The following CES4A variants were observed in gnomAD, a reference collection of about 807,000 sequenced individuals.
The protein encoded by CES4A is carboxylesterase 4A.
In CES4A, 48 loss-of-function variants were observed where a neutral mutation model predicts 65.4. The ratio of observed to expected loss-of-function variants is 0.73; its 90% confidence interval spans 0.58 to 0.93. The LOEUF (loss-of-function observed/expected upper bound fraction) is 0.93. Among genes scored for constraint, CES4A ranks in the 40% least tolerant of loss-of-function variants. The probability of loss-of-function intolerance (pLI) is 0.00; values close to 1 mark genes in which losing one functional copy is unlikely to be tolerated. For synonymous variants in CES4A, 247 were observed against 281.8 expected, an observed-to-expected ratio of 0.88 and a Z score of 1.24; for missense variants, 685 against 728.5, an observed-to-expected ratio of 0.94 and a Z score of 0.69.
chr16:67,001,261 C>CCGA lies in CES4A; in HGVS notation c.537-45_537-43dup. The stretch of plus-strand genomic sequence containing the variant: ...GCCCAGGAGGGCAGCCCAACGCGCC[C>CCGA]CGACTGTCGAGGCCCGGGACCCTGA... On this transcript the variant is annotated intron_variant, in intron 4 of 13. Coordinates refer to ENST00000648724, the Ensembl canonical transcript of CES4A. The surrounding 1 kb of genome is among the most constrained non-coding windows in gnomAD (Gnocchi z 4.1). 1.3e-6 allele frequency: 2 copies of CCGA among 1,535,218 alleles called. No individual in the cohort carries two copies. The highest frequency in any genetic ancestry group is 1.7e-6 in the Non-Finnish European group (2 of 1,143,962).
intron 9 of CES4A, 25 bp from the exon 10 acceptor site, chr16:67,004,768 A>G (rs1965621623): frequency 6.5e-7 from 1 of 1,532,926 alleles, no homozygotes; most frequent in African/African-American, 1.4e-5. Flanking sequence ...CCTGACCCAC[A>G]CTGGGGTCCT....
intron 2 of CES4A, among the ~76,000 whole-genome samples, chr16:66,997,215 A>T (rs1964925279): frequency 6.6e-6 from 1 of 152,240 alleles, no homozygotes; most frequent in Non-Finnish European, 1.5e-5. Flanking sequence ...CCCAAAGATC[A>T]GGTGACAGAA....
chr16:66,990,026 C>T (rs1206582310), intron 1 of CES4A, among the ~76,000 whole-genome samples: 3 of 150,360 alleles, frequency 2.0e-5, no homozygotes, highest in Admixed American at 6.6e-5. Flanking sequence ...AACATTTTGG[C>T]GCATTTTCTT....
chr16:67,007,110 G>A (rs1397314617), intron 13 of CES4A: 5 of 388,928 alleles, frequency 1.3e-5, no homozygotes, highest in Non-Finnish European at 2.3e-5. Context: ...GGAATTCAAG[G>A]ATGTTGCAGA....
In CES4A at chr16:67,001,578, A is replaced by T; in HGVS notation, c.690+117A>T. On this transcript the variant is annotated intron_variant, in intron 5 of 13. Transcript: ENST00000648724. This position sits in a 1 kb window ranked among gnomAD's most constrained non-coding sequence, Gnocchi z 4.1. Reference sequence around the variant, plus strand: ...GCGTGTACAGGAACGTGCCTGCCACAGAAATGCTCTCGCCCCTGCCAAGGG... The same window carrying T: ...GCGTGTACAGGAACGTGCCTGCCACTGAAATGCTCTCGCCCCTGCCAAGGG... The T allele has an allele frequency of 8.0e-7, 1 of 1,253,986 alleles. No individual in the cohort carries two copies. The highest frequency in any genetic ancestry group is 1.1e-6 in the Non-Finnish European group (1 of 914,536). 77.7% of individuals were successfully genotyped at this position (1,253,986 alleles called of 1,614,324 possible).
chr16:67,010,352 C>T (rs1482886506), downstream of CES4A, among the ~76,000 whole-genome samples: 3 of 151,954 alleles, frequency 2.0e-5, no homozygotes, highest in Admixed American at 2.0e-4. Context: ...AGGCATGAGC[C>T]ACCATGCCTG....
chr16:66,990,143 C>T (rs796785696), intron 1 of CES4A, among the ~76,000 whole-genome samples: 15 of 151,344 alleles, frequency 9.9e-5, no homozygotes, highest in African/African-American at 3.6e-4. Context: ...CTCCACCTCC[C>T]GGGTTCAAGC....
In CES4A at chr16:66,995,579, T is replaced by A. The variant is rs374816669; in HGVS notation, c.59-49T>A. ...TGAGTGGCTGAGCCAGGGTCCCATT[T>A]GTGGCTGGGTGACTGAGCAGAGGTG... On this transcript the variant is annotated intron_variant, in intron 1 of 13. Coordinates refer to ENST00000648724, the Ensembl canonical transcript of CES4A. 84 of 1,536,554 alleles carry A rather than the reference T, an allele frequency of 5.5e-5. No homozygotes were observed. The African/African-American group carries it at 1.1e-3, about 20-fold the overall frequency.
rs1407988229 is a variant in CES4A at position 67,004,920 on chromosome 16, C to A, written c.1161+47C>A. 5.5e-6 allele frequency: 8 copies of A among 1,446,536 alleles called. No homozygotes were observed. The East Asian group carries it at 2.0e-4, about 36-fold the overall frequency. 89.6% of individuals were successfully genotyped at this position (1,446,536 alleles called of 1,614,324 possible). A position where few individuals can be genotyped will look rare whatever the true frequency, so the allele number is the denominator to read the frequency against. ...GGTGCTCAGTTCGGACAGGGTTGAC[C>A]CCCCTGTTTTTTTTAACCTAGTAGC... On this transcript the variant is annotated intron_variant, in intron 10 of 13. Coordinates refer to ENST00000648724, the Ensembl canonical transcript of CES4A.
Position 67,000,234 on chromosome 16 carries a change from G to A in CES4A, c.261-404G>A, listed in dbSNP as rs891464700. Among the ~76,000 whole-genome samples, 11 of 152,178 alleles carry A rather than the reference G, an allele frequency of 7.2e-5. No homozygotes were observed. The highest frequency in any genetic ancestry group is 6.5e-4 in the Admixed American group (10 of 15,270). Reference sequence around the variant, plus strand: ...GGGTACTGTCCAGACCAGAGACGGTGGTGGCCTTGACATCTCCCCAGAGAT... The same window carrying A: ...GGGTACTGTCCAGACCAGAGACGGTAGTGGCCTTGACATCTCCCCAGAGAT... On this transcript the variant is annotated intron_variant, in intron 2 of 13. Transcript: ENST00000648724. The surrounding 1 kb of genome is among the most constrained non-coding windows in gnomAD (Gnocchi z 4.2).
chr16:67,006,563 C>T, intron 12 of CES4A, 44 bp downstream of exon 12: 1 of 1,553,770 alleles, frequency 6.4e-7, no homozygotes. Flanking sequence ...GTCCAGTCTC[C>T]CACCTCTGGA....
At chr16:66,994,182 A>G (rs1261585718) in intron 1 of CES4A, among the ~76,000 whole-genome samples, 1 of 151,866 alleles carries the variant, frequency 6.6e-6, no homozygotes, top group Non-Finnish European at 1.5e-5. Context: ...CCATTAAATG[A>G]CGCAGAGAAA....
Position 67,001,184 on chromosome 16 carries a change from T to C in CES4A, c.537-124T>C. The C allele has an allele frequency of 7.4e-7, 1 of 1,353,284 alleles. No individual in the cohort carries two copies. The highest frequency in any genetic ancestry group is 9.8e-7 in the Non-Finnish European group (1 of 1,019,298). The allele number at this position is 1,353,284 out of a possible 1,614,324, so 83.8% of individuals were successfully genotyped here. On this transcript the variant is annotated intron_variant, in intron 4 of 13. Coordinates refer to ENST00000648724, the Ensembl canonical transcript of CES4A. The surrounding 1 kb of genome is among the most constrained non-coding windows in gnomAD (Gnocchi z 4.1). ...GGCGAGCTAACTCCAAGGAAGGGGG[T>C]GTGGTCGCAGGACTGGGTCTTAGAG...
chr16:67,002,202 G>C (rs969923789), intron 5 of CES4A, among the ~76,000 whole-genome samples: 2 of 152,106 alleles, frequency 1.3e-5, no homozygotes, highest in Admixed American at 1.3e-4. Context: ...TTTCGCTCTT[G>C]TTGCCCAGGC....
At chr16:66,992,682 TTTTG>T (rs1265407953) in intron 1 of CES4A, among the ~76,000 whole-genome samples, 2 of 152,074 alleles carry the variant, frequency 1.3e-5, no homozygotes, top group Non-Finnish European at 2.9e-5. Context: ...TTTTTTGGTT[TTTTG>T]TTTGTTTGTT....
chr16:67,004,906 C>G (rs772637227), intron 10 of CES4A, 33 bp downstream of exon 10: 1 of 1,497,578 alleles, frequency 6.7e-7, no homozygotes, highest in African/African-American at 1.4e-5. Flanking sequence ...GTGCTCAGTT[C>G]GGACAGGGTT....
intron 1 of CES4A, among the ~76,000 whole-genome samples, chr16:66,991,777 G>A (rs1227462467): frequency 2.6e-5 from 4 of 152,084 alleles, no homozygotes; most frequent in South Asian, 2.1e-4. Flanking sequence ...GTATAGTTTT[G>A]TAACAATAAC....
Position 66,996,565 on chromosome 16 carries a change from C to T in CES4A, c.260+736C>T, listed in dbSNP as rs145779013. Among the ~76,000 whole-genome samples, 14 of 152,272 alleles carry T rather than the reference C, an allele frequency of 9.2e-5. No homozygotes were observed. In the East Asian group the frequency reaches 1.4e-3, roughly 15 times the overall value. On this transcript the variant is annotated intron_variant, in intron 2 of 13. Transcript: ENST00000648724. ...CTGCCCTTTGAAGCACTGGGCTTGG[C>T]GATTTACCCAGAACAAGTGTATTTA... is the stretch of plus-strand genomic sequence containing the variant.
intron 1 of CES4A, among the ~76,000 whole-genome samples, chr16:66,994,409 A>T (rs1964642854): frequency 1.3e-5 from 2 of 149,490 alleles, no homozygotes; most frequent in Admixed American, 1.3e-4. Context: ...TAATTTTTGT[A>T]TTTTTAGTAG....
Sources: allele counts gnomAD v4.1 joint callset (sites outside exome capture counted in the v4.1 genomes callset), GRCh38; gene constraint gnomAD v4.1.1; non-coding constraint Gnocchi (gnomAD v3.1); transcripts MANE v1.5; gene names NCBI Gene and HGNC (gene_info 2026-07-23, HGNC 2026-07-21).